Variants in CELSR1 observed in about 807,000 individuals in gnomAD.
CELSR1 encodes cadherin EGF LAG seven-pass G-type receptor 1, also known as adhesion G protein-coupled receptor C1.
Under a neutral mutation model 249.1 loss-of-function variants are expected in CELSR1, and 110 were observed. The ratio of observed to expected loss-of-function variants is 0.44; its 90% CI spans 0.38 to 0.52. The LOEUF is 0.52. Ranked by LOEUF, CELSR1 falls within the 20% of genes least tolerant of loss-of-function variation. CELSR1 has a pLI of 0.00. For synonymous variants in CELSR1, 2,113 were observed against 1,900.0 expected (o/e 1.11, Z -2.92); for missense variants, 4,109 against 4,296.4 (o/e 0.96, Z 1.22).
At chr22:46,372,134 A>G (rs1309304631) in intron 25 of CELSR1, among the ~76,000 whole-genome samples, 1 of 141,580 alleles carries the variant, frequency 7.1e-6, no homozygotes, top group Non-Finnish European at 1.5e-5. Context: ...CCATCCACCC[A>G]TTCACCCCCA....
Position 46,367,592 on chromosome 22 carries a change from C to T in CELSR1, c.8079+137G>A, listed in dbSNP as rs1292284339. ...CCGGCTGCACAAGGGACTGAGTCCT[C>T]ACAGCCACAGGAGGCCCCCACGCGG... is the stretch of plus-strand genomic sequence containing the variant. On this transcript the variant is annotated intron_variant, in intron 28 of 34. Coordinates refer to ENST00000674500, the MANE Select transcript of CELSR1 (RefSeq NM_001378328.1). 3 of 1,245,394 alleles carry T rather than the reference C, an allele frequency of 2.4e-6. No individual in the cohort carries two copies. The African/African-American group carries it at 4.6e-5, about 19-fold the overall frequency. The allele number at this position is 1,245,394 out of a possible 1,614,324, so 77.1% of individuals were successfully genotyped here.
rs546787155 is a variant in CELSR1, at chr22:46,534,039, C to A, written c.3132G>T (p.Arg1044=). 1 of 1,613,616 alleles carries A rather than the reference C, an allele frequency of 6.2e-7. No homozygotes were observed. Among genetic ancestry groups the A allele is most frequent in the Non-Finnish European group, 8.5e-7 (1 of 1,180,036 alleles). Residue 1044 remains arginine (R), a synonymous_variant, in exon 1 of 35, where the codon CGG becomes CGT. Transcript: ENST00000674500. The surrounding 1 kb of genome is among the most constrained non-coding windows in gnomAD (Gnocchi z 9.7). The part of the protein sequence containing the change: ...IMYQIVEGDM[R]HFFQLDLLNG... ...TGAGCAGGTCCAGCTGGAAGAAATGCCGCATGTCCCCTTCCACAATCTGAT... is the reference window on the plus strand; with the variant it reads ...TGAGCAGGTCCAGCTGGAAGAAATGACGCATGTCCCCTTCCACAATCTGAT...
At chr22:46,460,236 C>T (rs2080009106) in intron 2 of CELSR1, among the ~76,000 whole-genome samples, 1 of 150,580 alleles carries the variant, frequency 6.6e-6, no homozygotes, top group Admixed American at 6.6e-5. Flanking sequence ...ACAGTCCCTG[C>T]CATCCTGGGG....
At chr22:46,442,924 T>C (rs2079769411) in intron 2 of CELSR1, among the ~76,000 whole-genome samples, 1 of 150,314 alleles carries the variant, frequency 6.7e-6, no homozygotes, top group Non-Finnish European at 1.5e-5. Flanking sequence ...ACCCCATCGC[T>C]ACTAAAAATA....
chr22:46,367,889 G>A (rs748791548), intron 27 of CELSR1, 34 bp from the exon 28 acceptor site: 8 of 1,586,128 alleles, frequency 5.0e-6, no homozygotes, highest in Admixed American at 3.5e-5. Context: ...TGTGCCCATC[G>A]CCACCACCTG....
intron 1 of CELSR1, among the ~76,000 whole-genome samples, chr22:46,499,053 G>A (rs6008871): frequency 0.021 from 3,268 of 152,038 alleles, 113 homozygotes; most frequent in African/African-American, 0.075. Context: ...GGTGGCTCAC[G>A]CCTGTAATCC....
At chr22:46,455,481 C>T (rs183013460) in intron 2 of CELSR1, among the ~76,000 whole-genome samples, 11 of 152,288 alleles carry the variant, frequency 7.2e-5, no homozygotes, top group South Asian at 6.2e-4. Context: ...CCACCTGCCT[C>T]GGCCTCCCAA....
chr22:46,463,931 G>C lies in CELSR1; in HGVS notation c.3959C>G (p.Ser1320Cys). The change falls in exon 2 of 35, where the codon TCC (serine) becomes TGC (cysteine). Residue 1320 changes from serine to cysteine, a missense_variant. By Grantham distance (112) the Ser-to-Cys change is moderately radical. Transcript: ENST00000674500. ...EPCENYMKCV[S>C]VLRFDSSAPF... ...CGCGGAGCTGTCGAATCGCAGAACG[G>C]ACACGCACTTCATGTAGTTCTCGCA... The C allele has an allele frequency of 1.9e-6, 3 of 1,614,046 alleles. No homozygotes were observed. The highest frequency in any genetic ancestry group is 2.5e-6 in the Non-Finnish European group (3 of 1,180,022).
At chr22:46,373,193 A>G in intron 24 of CELSR1, 136 bp from the exon 25 acceptor site, 2 of 952,980 alleles carry the variant, frequency 2.1e-6, no homozygotes, top group Non-Finnish European at 3.0e-6. Flanking sequence ...GAGCAGGGCT[A>G]CATGTCTGGC....
chr22:46,486,001 G>C (rs976299892), intron 1 of CELSR1, among the ~76,000 whole-genome samples: 2 of 142,244 alleles, frequency 1.4e-5, no homozygotes, highest in African/African-American at 5.5e-5. Flanking sequence ...GCAGTGGCGT[G>C]ACCTCGGCTC....
At chr22:46,431,474 C>T (rs570584080) in intron 5 of CELSR1, among the ~76,000 whole-genome samples, 115 of 152,326 alleles carry the variant, frequency 7.5e-4, no homozygotes, top group African/African-American at 2.5e-3. Flanking sequence ...ACTTGGTCTT[C>T]TGATACGTGC....
At position 46,362,581 on chromosome 22, in the gene CELSR1, C is replaced by G. The variant is rs1334905238; in HGVS notation, c.*642G>C. On this transcript the variant is annotated 3_prime_UTR_variant, in exon 35 of 35. Transcript: ENST00000674500. ...CGTCAACACATGCCAGATTCAAGTACAACTGTGCAATCTTGACAGAGAAGA... is the reference window on the plus strand; with the variant it reads ...CGTCAACACATGCCAGATTCAAGTAGAACTGTGCAATCTTGACAGAGAAGA... 3 of 152,734 alleles carry G rather than the reference C, an allele frequency of 2.0e-5. No homozygotes were observed. In the East Asian group the frequency reaches 5.8e-4, roughly 29 times the overall value. 9.5% of individuals were successfully genotyped at this position (152,734 alleles called of 1,614,324 possible). A position where few individuals can be genotyped will look rare whatever the true frequency, so the allele number is the denominator to read the frequency against.
chr22:46,411,870 G>A lies in CELSR1; in HGVS notation c.4612-111C>T, dbSNP rs530387024. On this transcript the variant is annotated intron_variant, in intron 5 of 34. Transcript: ENST00000674500. This position sits in a 1 kb window ranked among gnomAD's most constrained non-coding sequence, Gnocchi z 4.2. ...GGACATGGCACAGGGTGGGCGGCAC[G>A]TAGACAAGGGATGAGGAGCCCCCGG... 4.5e-5 allele frequency: 62 copies of A among 1,380,860 alleles called. No individual in the cohort carries two copies. The highest frequency in any genetic ancestry group is 1.8e-4 in the Middle Eastern group (1 of 5,482). The allele number at this position is 1,380,860 out of a possible 1,614,324, so 85.5% of individuals were successfully genotyped here.
Position 46,380,189 on chromosome 22 carries a change from C to A in CELSR1, c.7256+599G>T, listed in dbSNP as rs1396057680. 2.6e-5 allele frequency among the ~76,000 whole-genome samples: 4 copies of A among 152,214 alleles called. No homozygotes were observed. The highest frequency in any genetic ancestry group is 5.9e-5 in the Non-Finnish European group (4 of 68,036). On this transcript the variant is annotated intron_variant, in intron 22 of 34. Coordinates refer to ENST00000674500, the MANE Select transcript of CELSR1 (RefSeq NM_001378328.1). The surrounding 1 kb of genome is among the most constrained non-coding windows in gnomAD (Gnocchi z 5.1). ...CTAACGACGAAACGCCTTTCCCTCG[C>A]TTGCATGGATGCTAGAACACAGATT... is the stretch of plus-strand genomic sequence containing the variant.
chr22:46,447,674 G>C lies in CELSR1; in HGVS notation c.4184-8263C>G, dbSNP rs2079835604. Among the ~76,000 whole-genome samples the C allele has an allele frequency of 6.6e-6, 1 of 152,186 alleles. No individual in the cohort carries two copies. The highest frequency in any genetic ancestry group is 1.5e-5 in the Non-Finnish European group (1 of 68,028). On this transcript the variant is annotated intron_variant, in intron 2 of 34. Coordinates refer to ENST00000674500, the MANE Select transcript of CELSR1 (RefSeq NM_001378328.1). This position sits in a 1 kb window ranked among gnomAD's most constrained non-coding sequence, Gnocchi z 4.7. ...GTCTTACTCTGTCGCCCAGGCTGGAGTGCAATGGTGCGATCTCGGCTCACA... is the reference window on the plus strand; with the variant it reads ...GTCTTACTCTGTCGCCCAGGCTGGACTGCAATGGTGCGATCTCGGCTCACA...
Position 46,366,975 on chromosome 22 carries a change from G to A in CELSR1, c.8205+18C>T. The A allele has an allele frequency of 6.2e-7, 1 of 1,604,886 alleles. No individual in the cohort carries two copies. The highest frequency in any genetic ancestry group is 8.5e-7 in the Non-Finnish European group (1 of 1,177,538). ...GCCGCCCAGCCCCCAGTCCCGCGGT[G>A]TCCCCGGCGCCTCCTACCGTCAGCA... On this transcript the variant is annotated intron_variant, in intron 29 of 34. Transcript: ENST00000674500.
rs1157513231 is a variant in CELSR1, at chr22:46,381,742, C to G, written c.7088+104G>C. The G allele has an allele frequency of 1.9e-6, 2 of 1,071,652 alleles. No individual in the cohort carries two copies. Among genetic ancestry groups the G allele is most frequent in the East Asian group, 2.6e-5 (1 of 38,300 alleles). 66.4% of individuals were successfully genotyped at this position (1,071,652 alleles called of 1,614,324 possible). Reference sequence around the variant, plus strand: ...CTGGGCCAGGGTCACGGTGAAATGTCACTGTGAAGACCTGTGCTTGATCAG... The same window carrying G: ...CTGGGCCAGGGTCACGGTGAAATGTGACTGTGAAGACCTGTGCTTGATCAG... On this transcript the variant is annotated intron_variant, in intron 21 of 34. Transcript: ENST00000674500. The surrounding 1 kb of genome is among the most constrained non-coding windows in gnomAD (Gnocchi z 6.0).
In CELSR1 at chr22:46,406,324, C is replaced by T. The variant is rs748814935; in HGVS notation, c.5226+2672G>A. ...CATGAAATTACAGGTTAACAAGGGC[C>T]CACAGGCCAGCTGTAATCATCCCTG... On this transcript the variant is annotated intron_variant, in intron 9 of 34. Transcript: ENST00000674500. This position sits in a 1 kb window ranked among gnomAD's most constrained non-coding sequence, Gnocchi z 5.4. 9.8e-5 allele frequency among the ~76,000 whole-genome samples: 15 copies of T among 152,306 alleles called. No individual in the cohort carries two copies. The highest frequency in any genetic ancestry group is 1.9e-4 in the East Asian group (1 of 5,176).
Position 46,533,725 on chromosome 22 carries a change from C to T in CELSR1, c.3446G>A (p.Arg1149His), listed in dbSNP as rs377229228. 26 of 1,612,888 alleles carry T rather than the reference C, an allele frequency of 1.6e-5. No individual in the cohort carries two copies. Among genetic ancestry groups the T allele is most frequent in the Middle Eastern group, 1.6e-4 (1 of 6,084 alleles). The change falls in exon 1 of 35, where the codon CGC becomes CAC. Residue 1149 changes from arginine to histidine, a missense_variant. Physicochemically the swap from Arg to His is conservative, Grantham distance 29. Transcript: ENST00000674500. ...CGTGGCGGGGTCCAGCAGCAACAGG[C>T]GCAGCTCGTTGCCCTGCACGAAGGT... ...NYTFVQGNEL[R>H]LLLLDPATGE...
Sources: gnomAD v4.1 joint callset for allele counts (sites outside exome capture counted in the v4.1 genomes callset) on GRCh38, gnomAD v4.1.1 for gene constraint, Gnocchi (gnomAD v3.1) non-coding constraint, MANE v1.5 for transcripts, NCBI Gene and HGNC (gene_info 2026-07-23, HGNC 2026-07-21) for gene names.